Variants in BCKDHA observed in about 807,000 individuals in gnomAD.
BCKDHA encodes 2-oxoisovalerate dehydrogenase subunit alpha, mitochondrial.
In BCKDHA, 43 loss-of-function variants were observed where a neutral mutation model predicts 52.2. That is an observed-to-expected ratio of 0.82 (90% confidence interval 0.64 to 1.06). The LOEUF is 1.06. Among genes scored for constraint, BCKDHA ranks in the 50% least tolerant of loss-of-function variants. BCKDHA has a pLI of 0.00. For missense variants in BCKDHA, 527 were observed against 621.3 expected, an observed-to-expected ratio of 0.85 and a Z score of 1.61; for synonymous variants, 234 against 247.9, an observed-to-expected ratio of 0.94 and a Z score of 0.53.
At chr19:41,418,970 A>T in intron 4 of BCKDHA, 165 bp from the exon 5 acceptor site, 1 of 744,920 alleles carries the variant, frequency 1.3e-6, no homozygotes, top group Non-Finnish European at 2.2e-6. Flanking sequence ...TTGAAAAATC[A>T]GATTGGCCTT....
At position 41,397,847 on chromosome 19, in the gene BCKDHA, C is replaced by T. The variant is rs779528860; in HGVS notation, c.20C>T (p.Ala7Val). ...GCCAAGATGGCGGTAGCGATCGCTG[C>T]AGCGAGGGTCTGGCGGCTAAACCGT... Reference protein sequence around the residue: MAVAIAAARVWRLNRGL... With the variant: MAVAIAVARVWRLNRGL... The change falls in exon 1 of 9, where the codon GCA becomes GTA. Residue 7 changes from alanine (A) to valine (V), a missense_variant. Ala to Val is a moderately conservative substitution (Grantham distance 64, BLOSUM62 0). Transcript: ENST00000269980. 16 of 1,614,188 alleles carry T rather than the reference C, an allele frequency of 9.9e-6. No homozygotes were observed. Among genetic ancestry groups the T allele is most frequent in the South Asian group, 7.7e-5 (7 of 91,082 alleles).
chr19:41,413,093 G>A (rs2039274145), intron 3 of BCKDHA, among the ~76,000 whole-genome samples: 1 of 152,192 alleles, frequency 6.6e-6, no homozygotes, highest in Admixed American at 6.5e-5. Context: ...CACTGTTGTT[G>A]GTGAGTTGAC....
intron 5 of BCKDHA, among the ~76,000 whole-genome samples, chr19:41,420,885 T>C (rs284648): frequency 0.66 from 99,947 of 152,188 alleles, 33,886 homozygotes; most frequent in African/African-American, 0.82. Flanking sequence ...CCCCTTCCTG[T>C]CCTCCGGGGC....
At chr19:41,405,965 A>AC (rs1248683995) in intron 1 of BCKDHA, among the ~76,000 whole-genome samples, 1 of 151,176 alleles carries the variant, frequency 6.6e-6, no homozygotes, top group Admixed American at 6.6e-5. Flanking sequence ...AGACTCCCCC[A>AC]CCCCCTTCCA....
chr19:41,419,100 C>T, intron 4 of BCKDHA, 35 bp from the exon 5 acceptor site: 1 of 1,613,482 alleles, frequency 6.2e-7, no homozygotes, highest in South Asian at 1.1e-5. Flanking sequence ...CCCTGTACTG[C>T]CCACTCGGCT....
At chr19:41,406,325 G>A (rs2039192453) in intron 1 of BCKDHA, among the ~76,000 whole-genome samples, 1 of 152,152 alleles carries the variant, frequency 6.6e-6, no homozygotes, top group Non-Finnish European at 1.5e-5. Flanking sequence ...TCAGCCTTCG[G>A]TCCTCTTCCA....
chr19:41,419,130 C>T lies in BCKDHA; in HGVS notation c.485-5C>T. 1 of 1,614,102 alleles carries T rather than the reference C, an allele frequency of 6.2e-7. No individual in the cohort carries two copies. The highest frequency in any genetic ancestry group is 8.5e-7 in the Non-Finnish European group (1 of 1,179,990). ...TCGGCTAACCATTGCCTCCTCCCCT[C>T]CTAGGTGTGCTGATGTATCGGGACT... On this transcript the variant is annotated splice_region_variant and splice_polypyrimidine_tract_variant and intron_variant, in intron 4 of 8. Coordinates refer to ENST00000269980, the MANE Select transcript of BCKDHA (RefSeq NM_000709.4).
chr19:41,411,825 C>A (rs1197115725), intron 3 of BCKDHA, among the ~76,000 whole-genome samples: 1 of 152,180 alleles, frequency 6.6e-6, no homozygotes, highest in Non-Finnish European at 1.5e-5. Flanking sequence ...CAGGCTCTTA[C>A]CCACGCTAAC....
At chr19:41,409,297 C>T (rs1019650964) in intron 1 of BCKDHA, among the ~76,000 whole-genome samples, 1 of 152,126 alleles carries the variant, frequency 6.6e-6, no homozygotes, top group African/African-American at 2.4e-5. Flanking sequence ...CAGGTTTCAG[C>T]TCTAACATCA....
Position 41,414,096 on chromosome 19 carries a change from C to G in BCKDHA, c.423C>G (p.His141Gln), listed in dbSNP as rs146804716. 6 of 1,613,746 alleles carry G rather than the reference C, an allele frequency of 3.7e-6. No homozygotes were observed. The highest frequency in any genetic ancestry group is 5.1e-6 in the Non-Finnish European group (6 of 1,180,044). ...CCAACTATGGTGAGGAGGGCACGCA[C>G]GTGGGGAGTGCCGCCGCCCTGGACA... ...YMTNYGEEGT[H>Q]VGSAAALDNT... The change falls in exon 4 of 9, where the codon CAC (histidine) becomes CAG (glutamine). Residue 141 changes from histidine (H) to glutamine (Q), a missense_variant. By Grantham distance (24) the His-to-Gln change is conservative. Coordinates refer to ENST00000269980, the MANE Select transcript of BCKDHA (RefSeq NM_000709.4).
rs775424394 is a variant in BCKDHA, at chr19:41,410,745, A to T, written c.217A>T (p.Ile73Phe). Residue 73 changes from isoleucine (I) to phenylalanine (F), a missense_variant, in exon 2 of 9, where the codon ATC becomes TTC. Transcript: ENST00000269980. ...DKLEFIQPNV[I>F]SGIPIYRVMD... ...GTTGGAATTCATCCAGCCCAACGTC[A>T]TCTCTGGAATCCCCATCTACCGCGT... 1 of 1,614,008 alleles carries T rather than the reference A, an allele frequency of 6.2e-7. No homozygotes were observed. The highest frequency in any genetic ancestry group is 1.3e-5 in the African/African-American group (1 of 74,886).
intron 1 of BCKDHA, among the ~76,000 whole-genome samples, chr19:41,402,792 C>T (rs1228428821): frequency 6.6e-6 from 1 of 152,116 alleles, no homozygotes; most frequent in Non-Finnish European, 1.5e-5. Flanking sequence ...AGGTGTGTGC[C>T]ACCGTGTCCG....
Position 41,419,262 on chromosome 19 carries a change from T to C in BCKDHA, c.612T>C (p.Thr204=). Residue 204 remains threonine (T), a synonymous_variant, in exon 5 of 9, where the codon ACT becomes ACC. Coordinates refer to ENST00000269980, the MANE Select transcript of BCKDHA (RefSeq NM_000709.4). The part of the protein sequence containing the change: ...HYGCKERHFV[T]ISSPLATQIP... ...GCTGCAAGGAACGCCACTTCGTCAC[T>C]ATCTCCTCTCCACTGGCCACGCAGA... is the stretch of plus-strand genomic sequence containing the variant. The C allele has an allele frequency of 6.2e-7, 1 of 1,614,124 alleles. No individual in the cohort carries two copies. Among genetic ancestry groups the C allele is most frequent in the Non-Finnish European group, 8.5e-7 (1 of 1,179,986 alleles).
At position 41,397,893 on chromosome 19, in the gene BCKDHA, C is replaced by A; in HGVS notation, c.66C>A (p.Leu22=). Residue 22 remains leucine (L), a synonymous_variant, in exon 1 of 9, where the codon CTC becomes CTA. Coordinates refer to ENST00000269980, the MANE Select transcript of BCKDHA (RefSeq NM_000709.4). ...RLNRGLSQAA[L]LLLRQPGARG... is the part of the protein sequence containing the mutation. ...ACCGTGGTTTGAGCCAGGCTGCCCT[C>A]CTGCTGCTGCGGCAGCCTGGGGCTC... 2 of 1,614,108 alleles carry A rather than the reference C, an allele frequency of 1.2e-6. No homozygotes were observed. The highest frequency in any genetic ancestry group is 8.5e-7 in the Non-Finnish European group (1 of 1,180,018).
intron 1 of BCKDHA, among the ~76,000 whole-genome samples, chr19:41,403,344 C>G (rs2039157681): frequency 6.6e-6 from 1 of 152,206 alleles, no homozygotes; most frequent in African/African-American, 2.4e-5. Flanking sequence ...GAACAAGTTG[C>G]TTAGCCCTTG....
At chr19:41,398,416 A>G (rs1240130915) in intron 1 of BCKDHA, among the ~76,000 whole-genome samples, 1 of 152,202 alleles carries the variant, frequency 6.6e-6, no homozygotes, top group Non-Finnish European at 1.5e-5. Flanking sequence ...CTCCTTTGCC[A>G]CAATTCTGAT....
chr19:41,422,817 C>T, intron 7 of BCKDHA, 47 bp downstream of exon 7: 4 of 1,611,348 alleles, frequency 2.5e-6, no homozygotes, highest in Non-Finnish European at 2.5e-6. Context: ...CTGACAGCCA[C>T]CGTAGCATCT....
At position 41,397,869 on chromosome 19, in the gene BCKDHA, C is replaced by T. The variant is rs1568499644; in HGVS notation, c.42C>T (p.Asn14=). The part of the protein sequence containing the change: ...AIAAARVWRL[N]RGLSQAALLL... The stretch of plus-strand genomic sequence containing the variant: ...CTGCAGCGAGGGTCTGGCGGCTAAA[C>T]CGTGGTTTGAGCCAGGCTGCCCTCC... The change falls in exon 1 of 9, where the codon AAC becomes AAT. Residue 14 remains asparagine (N), a synonymous_variant. Coordinates refer to ENST00000269980, the MANE Select transcript of BCKDHA (RefSeq NM_000709.4). 3 of 1,614,154 alleles carry T rather than the reference C, an allele frequency of 1.9e-6. No individual in the cohort carries two copies. The highest frequency in any genetic ancestry group is 1.7e-6 in the Non-Finnish European group (2 of 1,180,040).
In BCKDHA at chr19:41,422,765, C is replaced by G; in HGVS notation, c.990C>G (p.Thr330=). The change falls in exon 7 of 9, where the codon ACC becomes ACG. Residue 330 remains threonine, a synonymous_variant. Coordinates refer to ENST00000269980, the MANE Select transcript of BCKDHA (RefSeq NM_000709.4). ...AGCCCTTCCTCATCGAGGCCATGAC[C>G]TACAGGTGCCTGCCGCTCCCCCCGT... ...ENQPFLIEAM[T]YRIGHHSTSD... 6.2e-7 allele frequency: 1 copy of G among 1,613,230 alleles called. No homozygotes were observed. The highest frequency in any genetic ancestry group is 1.1e-5 in the South Asian group (1 of 91,084).
Sources: gnomAD v4.1 joint callset for allele counts (sites outside exome capture counted in the v4.1 genomes callset) on GRCh38, gnomAD v4.1.1 for gene constraint, MANE v1.5 for transcripts, NCBI Gene and HGNC (gene_info 2026-07-23, HGNC 2026-07-21) for gene names.